Variants in MBNL2 observed in about 807,000 individuals in gnomAD.
MBNL2 encodes muscleblind like splicing regulator 2, also known as muscleblind-like protein 2.
Under a neutral mutation model 41.9 loss-of-function variants are expected in MBNL2, and 17 were observed. The ratio of observed to expected loss-of-function variants is 0.41; its 90% CI spans 0.28 to 0.61. The LOEUF is 0.61. Ranked by LOEUF, MBNL2 falls within the 20% of genes least tolerant of loss-of-function variation. The pLI is 0.35. For synonymous variants in MBNL2, 195 were observed against 182.9 expected (o/e 1.07, Z -0.53); for missense variants, 336 against 505.6 (o/e 0.66, Z 3.22).
upstream of MBNL2, among the ~76,000 whole-genome samples, chr13:97,219,398 A>G (rs187006748): frequency 5.3e-5 from 8 of 152,322 alleles, no homozygotes; most frequent in Admixed American, 3.3e-4. Flanking sequence ...AAAGAGAGTT[A>G]AAGGTTGTCT....
At chr13:97,228,287 C>A (rs1321602667) in intron 1 of MBNL2, among the ~76,000 whole-genome samples, 1 of 151,934 alleles carries the variant, frequency 6.6e-6, no homozygotes, top group Non-Finnish European at 1.5e-5. Context: ...GCCCATAAGA[C>A]CCCCAAGCTG....
At chr13:97,242,944 C>T (rs1230801209) in intron 1 of MBNL2, among the ~76,000 whole-genome samples, 2 of 152,150 alleles carry the variant, frequency 1.3e-5, no homozygotes, top group African/African-American at 2.4e-5. Context: ...AGCAGGGCTC[C>T]GCACGCGGCA....
the MBNL2 span, among the ~76,000 whole-genome samples, chr13:97,173,457 C>G: frequency 8.5e-5 from 13 of 152,200 alleles, no homozygotes; most frequent in Non-Finnish European, 1.2e-4. Flanking sequence ...GGAGTGAGGT[C>G]CAGCCTAGTG....
intron 2 of MBNL2, among the ~76,000 whole-genome samples, chr13:97,278,824 A>G: frequency 6.6e-6 from 1 of 152,202 alleles, no homozygotes; most frequent in East Asian, 1.9e-4. Context: ...ACACATTTTT[A>G]AAACTGTCCA....
the MBNL2 span, among the ~76,000 whole-genome samples, chr13:97,158,173 T>A: frequency 6.6e-6 from 1 of 152,148 alleles, no homozygotes; most frequent in East Asian, 1.9e-4. Flanking sequence ...ATTTTCTAGT[T>A]TATTTGCGTA....
chr13:97,243,214 C>T (rs1053368063), intron 1 of MBNL2, among the ~76,000 whole-genome samples: 1 of 152,212 alleles, frequency 6.6e-6, no homozygotes, highest in Non-Finnish European at 1.5e-5. Flanking sequence ...TAGGTAGATG[C>T]ATTTTCAGTT....
chr13:97,162,157 C>A, the MBNL2 span, among the ~76,000 whole-genome samples: 1 of 152,108 alleles, frequency 6.6e-6, no homozygotes, highest in East Asian at 1.9e-4. Flanking sequence ...CTCACTCTCA[C>A]GAGAATAGCA....
At position 97,364,682 on chromosome 13, in the gene MBNL2, C is replaced by T. The variant is rs2153119624; in HGVS notation, c.1013-454C>T. On this transcript the variant is annotated intron_variant, in intron 7 of 8. Transcript: ENST00000679496. The stretch of plus-strand genomic sequence containing the variant: ...TATTCTAGTGAATATAAAAGTTGAC[C>T]TGGATTTACGAAGAGAATTCTATTT... Among the ~76,000 whole-genome samples, 3 of 152,258 alleles carry T rather than the reference C, an allele frequency of 2.0e-5. No individual in the cohort carries two copies. The South Asian group carries it at 6.2e-4, about 32-fold the overall frequency.
chr13:97,172,614 T>C, the MBNL2 span: 3 of 152,296 alleles, frequency 2.0e-5, no homozygotes, highest in Non-Finnish European at 4.4e-5. Flanking sequence ...CATGGTTAAA[T>C]GAGAATCTTT....
chr13:97,217,741 G>A (rs1378021895), upstream of MBNL2, among the ~76,000 whole-genome samples: 2 of 152,220 alleles, frequency 1.3e-5, no homozygotes, highest in African/African-American at 4.8e-5. Flanking sequence ...GAGACATGGA[G>A]TGAGTTTATG....
At chr13:97,309,647 T>C (rs1240204866) in intron 2 of MBNL2, among the ~76,000 whole-genome samples, 3 of 152,198 alleles carry the variant, frequency 2.0e-5, no homozygotes, top group African/African-American at 7.2e-5. Context: ...CTTGTAGTAC[T>C]TGGTTATGGC....
At chr13:97,269,332 G>A (rs2050455940) in intron 1 of MBNL2, among the ~76,000 whole-genome samples, 1 of 152,162 alleles carries the variant, frequency 6.6e-6, no homozygotes, top group African/African-American at 2.4e-5. Context: ...AAGGCTAAGG[G>A]TGCCCTGCAT....
Position 97,276,095 on chromosome 13 carries a change from G to C in MBNL2, c.-141G>C. ...ACACTCTCTCATCATCCTGTTCCTT[G>C]GATTGGACTTCACTAAGCAATTTAT... On this transcript the variant is annotated 5_prime_UTR_variant, in exon 2 of 9. Coordinates refer to ENST00000679496, the MANE Select transcript of MBNL2 (RefSeq NM_001382683.1). 1 of 635,210 alleles carries C rather than the reference G, an allele frequency of 1.6e-6. No homozygotes were observed. The highest frequency in any genetic ancestry group is 2.8e-6 in the Non-Finnish European group (1 of 359,276). The allele number at this position is 635,210 out of a possible 1,614,324, so 39.3% of individuals were successfully genotyped here.
the MBNL2 span, among the ~76,000 whole-genome samples, chr13:97,190,383 T>C: frequency 6.6e-6 from 1 of 152,210 alleles, no homozygotes; most frequent in Admixed American, 6.5e-5. Flanking sequence ...TTTATAACAA[T>C]AGAGGAAGAA....
At chr13:97,264,531 ATAT>A (rs2049339297) in intron 1 of MBNL2, among the ~76,000 whole-genome samples, 1 of 152,194 alleles carries the variant, frequency 6.6e-6, no homozygotes, top group Non-Finnish European at 1.5e-5. Flanking sequence ...TTTAAAATAC[ATAT>A]TATTTATTGT....
chr13:97,259,357 C>T (rs190550996), intron 1 of MBNL2, among the ~76,000 whole-genome samples: 3 of 152,186 alleles, frequency 2.0e-5, no homozygotes, highest in Non-Finnish European at 4.4e-5. Flanking sequence ...TTTCACAGTC[C>T]GGGGCATAAG....
At chr13:97,285,890 G>C (rs2054326771) in intron 2 of MBNL2, among the ~76,000 whole-genome samples, 1 of 151,972 alleles carries the variant, frequency 6.6e-6, no homozygotes, top group African/African-American at 2.4e-5. Context: ...TTTTCCTTCT[G>C]ACCTCTAAAT....
At chr13:97,388,017 T>C (rs368422695) in intron 8 of MBNL2, among the ~76,000 whole-genome samples, 1 of 152,176 alleles carries the variant, frequency 6.6e-6, no homozygotes, top group Non-Finnish European at 1.5e-5. Flanking sequence ...TAGGGAACTT[T>C]GGGCACCAGC....
the MBNL2 span, among the ~76,000 whole-genome samples, chr13:97,153,439 T>C: frequency 3.3e-5 from 5 of 152,092 alleles, no homozygotes; most frequent in South Asian, 1.0e-3. Context: ...TTTAGGTACA[T>C]GTAGATATAA....
Sources: allele counts gnomAD v4.1 joint callset (sites outside exome capture counted in the v4.1 genomes callset), GRCh38; gene constraint gnomAD v4.1.1; transcripts MANE v1.5; gene names NCBI Gene and HGNC (gene_info 2026-07-23, HGNC 2026-07-21).